DECR1: variants seen among roughly 807,000 people sequenced by gnomAD.
The protein encoded by DECR1 is 2,4-dienoyl-CoA reductase 1.
DECR1 carries 44 observed loss-of-function variants against 38.8 expected under a neutral mutation model. That is an observed-to-expected ratio of 1.13 (90% CI 0.89 to 1.46). The LOEUF (loss-of-function observed/expected upper bound fraction) is 1.46, where lower values mean the gene tolerates loss of function less well. Ranked by LOEUF, DECR1 falls within the 40% of genes most tolerant of loss-of-function variation. The pLI, the probability that DECR1 is intolerant of heterozygous loss-of-function variation, is 0.00. For missense variants in DECR1, 428 were observed against 405.5 expected (o/e 1.06, Z -0.48); for synonymous variants, 148 against 135.2 (o/e 1.09, Z -0.66).
At chr8:90,040,188 A>C (rs1179294734) in intron 6 of DECR1, among the ~76,000 whole-genome samples, 1 of 152,208 alleles carries the variant, frequency 6.6e-6, no homozygotes, top group Non-Finnish European at 1.5e-5. Context: ...TAATTCTATT[A>C]AGACATGAAG....
At chr8:90,036,391 A>G (rs1340262785) in intron 5 of DECR1, among the ~76,000 whole-genome samples, 1 of 152,150 alleles carries the variant, frequency 6.6e-6, no homozygotes, top group Non-Finnish European at 1.5e-5. Context: ...GTATCTGTAT[A>G]TAATTGTAGC....
Position 90,001,477 on chromosome 8 carries a change from G to C in DECR1, c.-16G>C, listed in dbSNP as rs201183578. The C allele has an allele frequency of 3.8e-4, 607 of 1,613,946 alleles. 1 individual carries two copies. The highest frequency in any genetic ancestry group is 5.0e-4 in the Non-Finnish European group (595 of 1,179,852). The stretch of plus-strand genomic sequence containing the variant: ...CCGCCTGCGCCGCCTTCCGGCCCGA[G>C]TTCTGGAGACTCAACATGAAGCTAC... On this transcript the variant is annotated 5_prime_UTR_variant, in exon 1 of 10. Transcript: ENST00000220764.
intron 8 of DECR1, among the ~76,000 whole-genome samples, chr8:90,047,138 A>C (rs1402939263): frequency 6.6e-6 from 1 of 152,162 alleles, no homozygotes; most frequent in Non-Finnish European, 1.5e-5. Context: ...CGAGCAAAAT[A>C]ACCAGCTGAC....
intron 1 of DECR1, among the ~76,000 whole-genome samples, chr8:90,011,178 A>G (rs1812873679): frequency 6.6e-6 from 1 of 152,248 alleles, no homozygotes; most frequent in Admixed American, 6.5e-5. Context: ...TACACTTAAC[A>G]CATAGTGTCT....
chr8:90,051,332 C>CGA (rs972833510), intron 8 of DECR1, among the ~76,000 whole-genome samples: 1 of 150,498 alleles, frequency 6.6e-6, no homozygotes, highest in Non-Finnish European at 1.5e-5. Context: ...AAAAGGGAGA[C>CGA]GAGAGAGAGA....
At chr8:90,032,910 A>G (rs16902465) in intron 5 of DECR1, among the ~76,000 whole-genome samples, 3,132 of 152,252 alleles carry the variant, frequency 0.021, 96 homozygotes, top group African/African-American at 0.07. Context: ...ATGAGAGCGG[A>G]AGAGTAATAG....
chr8:90,040,547 C>T (rs1813732783), intron 6 of DECR1, among the ~76,000 whole-genome samples: 2 of 152,132 alleles, frequency 1.3e-5, no homozygotes, highest in African/African-American at 4.8e-5. Flanking sequence ...CATAGGTATA[C>T]ATGTGCCATG....
intron 1 of DECR1, among the ~76,000 whole-genome samples, chr8:90,003,442 TA>T (rs138465605): frequency 0.021 from 3,123 of 152,280 alleles, 93 homozygotes; most frequent in African/African-American, 0.07. Flanking sequence ...ACTCAAAATT[TA>T]AAAAATACGA....
At chr8:90,041,797 T>G (rs1813770791) in intron 6 of DECR1, among the ~76,000 whole-genome samples, 1 of 152,172 alleles carries the variant, frequency 6.6e-6, no homozygotes, top group Non-Finnish European at 1.5e-5. Flanking sequence ...GATATTAGCC[T>G]CATTCTTGGC....
At chr8:90,047,067 A>G (rs542462929) in intron 8 of DECR1, among the ~76,000 whole-genome samples, 1 of 152,336 alleles carries the variant, frequency 6.6e-6, no homozygotes, top group South Asian at 2.1e-4. Flanking sequence ...GGTACCAGCC[A>G]CTGCAAAAAC....
At chr8:90,010,655 A>T (rs923165927) in intron 1 of DECR1, among the ~76,000 whole-genome samples, 1 of 152,154 alleles carries the variant, frequency 6.6e-6, no homozygotes, top group African/African-American at 2.4e-5. Flanking sequence ...AGTCTGCAAA[A>T]CTCTTATGTG....
intron 1 of DECR1, chr8:90,005,259 T>G (rs1298821920): frequency 4.5e-6 from 2 of 448,122 alleles, no homozygotes; most frequent in Non-Finnish European, 8.9e-6. Flanking sequence ...TTTTCTTATT[T>G]ATGTAGAAAA....
At position 90,034,257 on chromosome 8, in the gene DECR1, C is replaced by A. The variant is rs16902476; in HGVS notation, c.566-2584C>A. 6.8e-3 allele frequency among the ~76,000 whole-genome samples: 1,027 copies of A among 152,120 alleles called. 8 individuals are homozygous for A. The highest frequency in any genetic ancestry group is 0.022 in the African/African-American group (923 of 41,494). Reference sequence around the variant, plus strand: ...TCTTCAAAATACTTTCCTTGTAGTCCTTCAAATTTAAATTTCTAAAAGTAT... The same window carrying A: ...TCTTCAAAATACTTTCCTTGTAGTCATTCAAATTTAAATTTCTAAAAGTAT... On this transcript the variant is annotated intron_variant, in intron 5 of 9. Coordinates refer to ENST00000220764, the MANE Select transcript of DECR1 (RefSeq NM_001359.2).
intron 1 of DECR1, among the ~76,000 whole-genome samples, chr8:90,014,313 A>T (rs1441144265): frequency 6.6e-6 from 1 of 152,214 alleles, no homozygotes; most frequent in Admixed American, 6.5e-5. Context: ...ATTGAATATG[A>T]TGTGATCCTG....
At chr8:90,013,399 G>GTTTTTTTTT (rs57505716) in intron 1 of DECR1, among the ~76,000 whole-genome samples, 59 of 77,970 alleles carry the variant, frequency 7.6e-4, no homozygotes, top group East Asian at 2.7e-3. Context: ...CTCTTCTTTC[G>GTTTTTTTTT]TTTTTTTTTT....
rs751891807 is a variant in DECR1 at position 90,036,835 on chromosome 8, T to C, written c.566-6T>C. ...GCTAATCAACTGTATCCTTTTAAAA[T>C]TTCAGGAGCAGCATTTCTTTCTATT... On this transcript the variant is annotated splice_region_variant and splice_polypyrimidine_tract_variant and intron_variant, in intron 5 of 9. Coordinates refer to ENST00000220764, the MANE Select transcript of DECR1 (RefSeq NM_001359.2). 1 of 1,604,046 alleles carries C rather than the reference T, an allele frequency of 6.2e-7. No homozygotes were observed. The highest frequency in any genetic ancestry group is 1.1e-5 in the South Asian group (1 of 90,468).
intron 4 of DECR1, among the ~76,000 whole-genome samples, 161 bp from the exon 5 acceptor site, chr8:90,020,747 CA>C (rs1464549759): frequency 6.6e-6 from 1 of 152,192 alleles, no homozygotes; most frequent in African/African-American, 2.4e-5. Context: ...AGGAGGTTTT[CA>C]CAGACTCAGA....
chr8:90,050,213 A>G (rs1199849980), intron 8 of DECR1, among the ~76,000 whole-genome samples: 1 of 152,228 alleles, frequency 6.6e-6, no homozygotes, highest in Non-Finnish European at 1.5e-5. Context: ...TGCACAGCAA[A>G]AGAAACTACC....
intron 6 of DECR1, among the ~76,000 whole-genome samples, chr8:90,037,365 G>C (rs1396151386): frequency 6.6e-6 from 1 of 151,714 alleles, no homozygotes; most frequent in African/African-American, 2.4e-5. Flanking sequence ...TTTTATTGTA[G>C]ATACTGTATA....
Sources: allele counts gnomAD v4.1 joint callset (sites outside exome capture counted in the v4.1 genomes callset), GRCh38; gene constraint gnomAD v4.1.1; transcripts MANE v1.5; gene names NCBI Gene and HGNC (gene_info 2026-07-23, HGNC 2026-07-21).